ITIH5: variants seen among roughly 807,000 people sequenced by gnomAD.
ITIH5 encodes inter-alpha-trypsin inhibitor heavy chain 5.
ITIH5 carries 65 observed loss-of-function variants against 77.5 expected under a neutral mutation model. The observed-to-expected ratio is 0.84, with a 90% CI of 0.69 to 1.03. ITIH5 has a LOEUF of 1.03. Ranked by LOEUF, ITIH5 falls within the 50% of genes least tolerant of loss-of-function variation. The probability of loss-of-function intolerance (pLI) is 0.00; values close to 1 mark genes in which losing one functional copy is unlikely to be tolerated. For missense variants in ITIH5, 1,208 were observed against 1,213.1 expected (o/e 1.00, Z 0.06); for synonymous variants, 525 against 494.3 (o/e 1.06, Z -0.82).
intron 7 of ITIH5, among the ~76,000 whole-genome samples, chr10:7,595,308 G>C (rs1348712138): frequency 4.6e-5 from 7 of 150,986 alleles, no homozygotes; most frequent in African/African-American, 1.7e-4. Context: ...TTTGAAAATC[G>C]CGCCCAGATA....
At chr10:7,598,183 T>C (rs551316456) in intron 7 of ITIH5, among the ~76,000 whole-genome samples, 3 of 152,328 alleles carry the variant, frequency 2.0e-5, no homozygotes, top group South Asian at 2.1e-4. Context: ...CTGCTACAAA[T>C]ACCTCCTGAA....
chr10:7,579,895 G>A lies in ITIH5; in HGVS notation c.1278C>T (p.Ala426=), dbSNP rs770236790. 31 of 1,614,112 alleles carry A rather than the reference G, an allele frequency of 1.9e-5. No individual in the cohort carries two copies. The highest frequency in any genetic ancestry group is 6.6e-5 in the South Asian group (6 of 91,090). Residue 426 remains alanine (A), a synonymous_variant, in exon 9 of 14, where the codon GCC becomes GCT. Transcript: ENST00000397146. The stretch of plus-strand genomic sequence containing the variant: ...TGAAGATGCAGACTTGGCCTCGGGC[G>A]GCCTCTCGGGTGTTGTTGAGGATCT... ...TLKILNNTRE[A]ARGQVCIFTI...
chr10:7,610,586 C>T (rs1833224947), intron 7 of ITIH5, among the ~76,000 whole-genome samples: 1 of 152,162 alleles, frequency 6.6e-6, no homozygotes, highest in Admixed American at 6.5e-5. Context: ...ACAAATGTCC[C>T]ACATTGCCAA....
intron 8 of ITIH5, among the ~76,000 whole-genome samples, chr10:7,580,397 G>A (rs1006663782): frequency 3.3e-5 from 5 of 152,160 alleles, no homozygotes; most frequent in African/African-American, 7.2e-5. Flanking sequence ...TGGAATCACA[G>A]GCATGAGCCA....
At chr10:7,645,054 AT>A (rs1302200753) in intron 2 of ITIH5, among the ~76,000 whole-genome samples, 1 of 150,946 alleles carries the variant, frequency 6.6e-6, no homozygotes, top group African/African-American at 2.4e-5. Flanking sequence ...AGGGGAGAGA[AT>A]GGGCAAGCAC....
At chr10:7,595,158 G>A (rs1184888340) in intron 7 of ITIH5, among the ~76,000 whole-genome samples, 1 of 152,148 alleles carries the variant, frequency 6.6e-6, no homozygotes, top group Non-Finnish European at 1.5e-5. Flanking sequence ...GTTTGAGGCT[G>A]CAGTGAGCTA....
intron 7 of ITIH5, among the ~76,000 whole-genome samples, chr10:7,587,488 G>T (rs1832703037): frequency 6.6e-6 from 1 of 152,342 alleles, no homozygotes; most frequent in African/African-American, 2.4e-5. Flanking sequence ...CACCCTTGAG[G>T]CTGGGTTCAT....
At chr10:7,628,372 C>A (rs1833621142) in intron 5 of ITIH5, among the ~76,000 whole-genome samples, 1 of 152,230 alleles carries the variant, frequency 6.6e-6, no homozygotes, top group African/African-American at 2.4e-5. Flanking sequence ...TGGAATCATA[C>A]ACATGTGACC....
At chr10:7,585,050 A>T (rs1241014642) in intron 8 of ITIH5, among the ~76,000 whole-genome samples, 2 of 152,166 alleles carry the variant, frequency 1.3e-5, no homozygotes, top group African/African-American at 4.8e-5. Context: ...CAGATGGGAG[A>T]AGACTGAACA....
intron 7 of ITIH5, among the ~76,000 whole-genome samples, chr10:7,592,886 G>A (rs1832822333): frequency 6.6e-6 from 1 of 152,164 alleles, no homozygotes; most frequent in African/African-American, 2.4e-5. Context: ...GGCGGTGGTG[G>A]GGCAGTGCTG....
chr10:7,575,254 G>A (rs947527311), intron 10 of ITIH5, among the ~76,000 whole-genome samples: 3 of 152,144 alleles, frequency 2.0e-5, no homozygotes, highest in Non-Finnish European at 4.4e-5. Context: ...GATTATCTCC[G>A]TGTTCAGGGC....
chr10:7,628,056 G>C (rs927000489), intron 5 of ITIH5, among the ~76,000 whole-genome samples: 1 of 152,004 alleles, frequency 6.6e-6, no homozygotes, highest in Non-Finnish European at 1.5e-5. Context: ...GGCCAGGCCA[G>C]TCTCAAACTC....
intron 5 of ITIH5, among the ~76,000 whole-genome samples, chr10:7,627,827 C>CT (rs869139058): frequency 0.049 from 4,429 of 90,842 alleles, 892 homozygotes; most frequent in African/African-American, 0.084. Context: ...TGAAATTAAC[C>CT]TTTTTTTTTT....
intron 7 of ITIH5, among the ~76,000 whole-genome samples, chr10:7,598,526 G>A (rs1262686004): frequency 1.3e-5 from 2 of 152,074 alleles, no homozygotes; most frequent in Non-Finnish European, 2.9e-5. Context: ...CTTCAATGAA[G>A]CAAAATCACA....
intron 2 of ITIH5, among the ~76,000 whole-genome samples, chr10:7,643,267 G>A (rs147262027): frequency 4.3e-4 from 66 of 152,296 alleles, no homozygotes; most frequent in African/African-American, 1.5e-3. Context: ...ATAAATGTAT[G>A]CTGTTTAAGC....
intron 1 of ITIH5, among the ~76,000 whole-genome samples, chr10:7,665,215 A>T (rs1487738341): frequency 1.3e-5 from 2 of 152,216 alleles, no homozygotes; most frequent in African/African-American, 4.8e-5. Context: ...TAGACTGTGA[A>T]GCCTACTTGA....
intron 1 of ITIH5, among the ~76,000 whole-genome samples, chr10:7,662,545 C>T (rs1834293798): frequency 1.3e-5 from 2 of 152,228 alleles, no homozygotes; most frequent in Admixed American, 1.3e-4. Context: ...ACCCGGCTGG[C>T]ATTCCCAGCA....
chr10:7,640,299 G>A (rs536623737), intron 4 of ITIH5, among the ~76,000 whole-genome samples: 28 of 151,450 alleles, frequency 1.8e-4, no homozygotes, highest in African/African-American at 4.8e-4. Context: ...AGCAAGACCC[G>A]ATCTCTACAA....
Position 7,579,760 on chromosome 10 carries a change from G to A in ITIH5, c.1413C>T (p.Leu471=), listed in dbSNP as rs769572115. ...VHEEEDAGSQ[L]IGFYDEIRTP... ...TACGAAGACAGACCACAGACCCGAT[G>A]AGCTGCGAGCCTGCGTCCTCCTCCT... The change falls in exon 9 of 14, where the codon CTC becomes CTT. Residue 471 remains leucine, a synonymous_variant. Transcript: ENST00000397146. 8.7e-6 allele frequency: 14 copies of A among 1,612,826 alleles called. No homozygotes were observed. Among genetic ancestry groups the A allele is most frequent in the Non-Finnish European group, 1.2e-5 (14 of 1,179,590 alleles).
Sources: gnomAD v4.1 joint callset for allele counts (sites outside exome capture counted in the v4.1 genomes callset) on GRCh38, gnomAD v4.1.1 for gene constraint, MANE v1.5 for transcripts, NCBI Gene and HGNC (gene_info 2026-07-23, HGNC 2026-07-21) for gene names.